The following PARVA variants were observed in gnomAD, a reference collection of about 807,000 sequenced individuals.
PARVA encodes the protein parvin alpha.
In PARVA, 25 loss-of-function variants were observed where a neutral mutation model predicts 52.6. That is an observed-to-expected ratio of 0.48 (90% CI 0.35 to 0.66). The LOEUF is 0.66. Ranked by LOEUF, PARVA falls within the 30% of genes least tolerant of loss-of-function variation. PARVA has a pLI of 0.01. For missense variants in PARVA, 373 were observed against 450.9 expected (o/e 0.83, Z 1.56); for synonymous variants, 185 against 179.1 (o/e 1.03, Z -0.26).
chr11:12,420,903 C>T (rs2134984035), intron 1 of PARVA, among the ~76,000 whole-genome samples: 1 of 152,220 alleles, frequency 6.6e-6, no homozygotes, highest in Non-Finnish European at 1.5e-5. Context: ...CTCTTCACAC[C>T]ACCCCACCCA....
rs1940587233 is a variant in PARVA at position 12,449,094 on chromosome 11, ATAAAAAG to A, written c.137-24650_137-24644del. 2.0e-5 allele frequency among the ~76,000 whole-genome samples: 3 copies of A among 152,032 alleles called. No individual in the cohort carries two copies. In the South Asian group the frequency reaches 6.2e-4, roughly 32 times the overall value. On this transcript the variant is annotated intron_variant, in intron 1 of 12. Coordinates refer to ENST00000334956, the MANE Select transcript of PARVA (RefSeq NM_018222.5). Reference sequence around the variant, plus strand: ...TGTTTGTTTTGAAATTTCAATCTCAATAAAAAGATTTTTATGTTTACCAAAAGGGGCA... The same window carrying A: ...TGTTTGTTTTGAAATTTCAATCTCAAATTTTTATGTTTACCAAAAGGGGCA...
At chr11:12,526,655 C>T (rs1485722745) in intron 12 of PARVA, among the ~76,000 whole-genome samples, 1 of 152,220 alleles carries the variant, frequency 6.6e-6, no homozygotes, top group Non-Finnish European at 1.5e-5. Context: ...TCTCCCTTCT[C>T]CCTAAAGGTA....
Position 12,533,934 on chromosome 11 carries a change from C to T in PARVA, c.*6009C>T, listed in dbSNP as rs779571955. 2.0e-5 allele frequency among the ~76,000 whole-genome samples: 3 copies of T among 151,784 alleles called. No homozygotes were observed. The highest frequency in any genetic ancestry group is 2.9e-5 in the Non-Finnish European group (2 of 67,978). On this transcript the variant is annotated 3_prime_UTR_variant, in exon 13 of 13. Coordinates refer to ENST00000334956, the MANE Select transcript of PARVA (RefSeq NM_018222.5). ...CTGTAATCCCAGCACTTTGGGAGGC[C>T]GAGACGGACAGATCACAAGGTCAGG...
intron 1 of PARVA, among the ~76,000 whole-genome samples, chr11:12,430,414 C>T (rs1189738142): frequency 6.6e-6 from 1 of 152,200 alleles, no homozygotes; most frequent in African/African-American, 2.4e-5. Flanking sequence ...TTCCAACACA[C>T]CCATTGCCCT....
chr11:12,455,068 G>A (rs1589963736), intron 1 of PARVA, among the ~76,000 whole-genome samples: 1 of 152,156 alleles, frequency 6.6e-6, no homozygotes, highest in African/African-American at 2.4e-5. Context: ...TCTAGACTTT[G>A]CTACTTGTAT....
chr11:12,487,807 C>T (rs76587687), intron 4 of PARVA, among the ~76,000 whole-genome samples: 4,396 of 151,740 alleles, frequency 0.029, 213 homozygotes, highest in African/African-American at 0.096. Flanking sequence ...TAGAGAACGA[C>T]TGTGTGTGTG....
chr11:12,392,595 T>C (rs191147856), intron 1 of PARVA, among the ~76,000 whole-genome samples: 1 of 152,310 alleles, frequency 6.6e-6, no homozygotes, highest in Admixed American at 6.5e-5. Context: ...AAAATATTAT[T>C]TGAATATGCC....
In PARVA at chr11:12,440,679, G is replaced by C. The variant is rs568452939; in HGVS notation, c.137-33066G>C. Among the ~76,000 whole-genome samples the C allele has an allele frequency of 2.6e-5, 4 of 152,294 alleles. No individual in the cohort carries two copies. The East Asian group carries it at 5.8e-4, about 22-fold the overall frequency. On this transcript the variant is annotated intron_variant, in intron 1 of 12. Transcript: ENST00000334956. Reference sequence around the variant, plus strand: ...CTCATTCAGGTTCTTGGCAAAATTTGTTTCCTTGCATTGTAGGACTGGAGT... The same window carrying C: ...CTCATTCAGGTTCTTGGCAAAATTTCTTTCCTTGCATTGTAGGACTGGAGT...
chr11:12,487,459 C>T (rs944695130), intron 4 of PARVA, among the ~76,000 whole-genome samples: 3 of 152,196 alleles, frequency 2.0e-5, no homozygotes, highest in African/African-American at 7.2e-5. Context: ...TAGCCATATG[C>T]AGCTGTTAAA....
At chr11:12,511,480 G>C in intron 7 of PARVA, 34 bp from the exon 8 acceptor site, 1 of 1,608,528 alleles carries the variant, frequency 6.2e-7, no homozygotes, top group Non-Finnish European at 8.5e-7. Context: ...GACAAGAGAA[G>C]AGTCACACTA....
rs190917228 is a variant in PARVA, at chr11:12,471,374, A to G, written c.137-2371A>G. 3.8e-4 allele frequency among the ~76,000 whole-genome samples: 58 copies of G among 152,254 alleles called. 1 individual carries two copies. The highest frequency in any genetic ancestry group is 2.7e-3 in the Admixed American group (41 of 15,288). On this transcript the variant is annotated intron_variant, in intron 1 of 12. Coordinates refer to ENST00000334956, the MANE Select transcript of PARVA (RefSeq NM_018222.5). ...ACATTATCCACTTACTCTTTTAAAA[A>G]TTTTATTTTTTAACTTTAAGTTCAG...
chr11:12,414,724 A>T (rs758849492), intron 1 of PARVA, among the ~76,000 whole-genome samples: 1 of 151,816 alleles, frequency 6.6e-6, no homozygotes, highest in Non-Finnish European at 1.5e-5. Context: ...TTGTTTTCAT[A>T]TGAAGTGAAA....
chr11:12,508,381 C>A (rs544258392), intron 6 of PARVA, among the ~76,000 whole-genome samples: 1 of 152,346 alleles, frequency 6.6e-6, no homozygotes, highest in South Asian at 2.1e-4. Flanking sequence ...GGACTAAACA[C>A]TAATTGCACT....
intron 1 of PARVA, among the ~76,000 whole-genome samples, chr11:12,450,970 G>A (rs1229369947): frequency 2.0e-5 from 3 of 152,054 alleles, no homozygotes; most frequent in African/African-American, 7.2e-5. Context: ...ATCTCCTCTG[G>A]CAACACCCTC....
chr11:12,467,419 A>G (rs186099395), intron 1 of PARVA, among the ~76,000 whole-genome samples: 1 of 152,348 alleles, frequency 6.6e-6, no homozygotes, highest in East Asian at 1.9e-4. Context: ...TTGAATAGGC[A>G]TGGTGAGAGG....
intron 1 of PARVA, among the ~76,000 whole-genome samples, chr11:12,409,718 C>G (rs933957585): frequency 1.1e-4 from 17 of 152,326 alleles, no homozygotes; most frequent in African/African-American, 4.1e-4. Flanking sequence ...GCAGCCCTGC[C>G]AGCATGTTGA....
intron 1 of PARVA, among the ~76,000 whole-genome samples, chr11:12,407,076 T>C (rs1939923319): frequency 6.6e-6 from 1 of 152,216 alleles, no homozygotes; most frequent in African/African-American, 2.4e-5. Flanking sequence ...CTGGAATTAC[T>C]GGGTCAAAAG....
chr11:12,406,661 GTTTTTTTTTT>G (rs571973101), intron 1 of PARVA, among the ~76,000 whole-genome samples: 14 of 77,788 alleles, frequency 1.8e-4, no homozygotes, highest in South Asian at 9.1e-4. Context: ...GGTTGTATCT[GTTTTTTTTTT>G]TTTTTTTTTT....
chr11:12,519,081 G>A (rs539118824), intron 12 of PARVA, among the ~76,000 whole-genome samples: 30 of 152,338 alleles, frequency 2.0e-4, no homozygotes, highest in African/African-American at 7.2e-4. Flanking sequence ...AGCAGAGGAG[G>A]CACGCTTCTC....
Sources: gnomAD v4.1 joint callset for allele counts (sites outside exome capture counted in the v4.1 genomes callset) on GRCh38, gnomAD v4.1.1 for gene constraint, MANE v1.5 for transcripts, NCBI Gene and HGNC (gene_info 2026-07-23, HGNC 2026-07-21) for gene names.